CRLF3: variants seen among roughly 807,000 people sequenced by gnomAD.
CRLF3 encodes the protein cytokine receptor-like factor 3.
Under a neutral mutation model 55.0 loss-of-function variants are expected in CRLF3, and 33 were observed. The ratio of observed to expected loss-of-function variants is 0.60; its 90% CI spans 0.46 to 0.80. The LOEUF is 0.80. Among genes scored for constraint, CRLF3 ranks in the 30% least tolerant of loss-of-function variants. CRLF3 has a pLI of 0.00. For missense variants in CRLF3, 494 were observed against 538.4 expected (o/e 0.92, Z 0.82); for synonymous variants, 238 against 196.8 (o/e 1.21, Z -1.75).
At chr17:30,822,646 C>T (rs8078182) in intron 1 of CRLF3, among the ~76,000 whole-genome samples, 35,648 of 151,844 alleles carry the variant, frequency 0.23, 6,209 homozygotes, top group African/African-American at 0.49. Flanking sequence ...TGAAAAAATA[C>T]AGGTTTGAAA....
chr17:30,784,412 T>G lies in CRLF3; in HGVS notation c.1104A>C (p.Thr368=). 2 of 1,613,450 alleles carry G rather than the reference T, an allele frequency of 1.2e-6. No individual in the cohort carries two copies. The highest frequency in any genetic ancestry group is 1.7e-6 in the Non-Finnish European group (2 of 1,179,346). Residue 368 remains threonine (T), a synonymous_variant, in exon 8 of 8, where the codon ACA becomes ACC. Transcript: ENST00000324238. ...CAGAAGTAACTGCGGGTAACTGATTTGTCATTTCTTTTCCATTGACAAAAA... is the reference window on the plus strand; with the variant it reads ...CAGAAGTAACTGCGGGTAACTGATTGGTCATTTCTTTTCCATTGACAAAAA... ...GAVFVNGKEM[T]NQLPAVTSGS... is the part of the protein sequence containing the mutation.
chr17:30,801,260 C>T (rs1297143424), intron 2 of CRLF3: 1 of 151,880 alleles, frequency 6.6e-6, no homozygotes, highest in African/African-American at 2.4e-5. Flanking sequence ...TCTTTACCAG[C>T]CACCGCCTTT....
chr17:30,799,913 C>T (rs553834454), intron 2 of CRLF3, among the ~76,000 whole-genome samples: 4 of 152,116 alleles, frequency 2.6e-5, no homozygotes, highest in Non-Finnish European at 5.9e-5. Flanking sequence ...TGCAAAGCCA[C>T]CAAGGAAAGA....
At chr17:30,792,302 A>G in intron 6 of CRLF3, 138 bp downstream of exon 6, 2 of 689,996 alleles carry the variant, frequency 2.9e-6, no homozygotes, top group Non-Finnish European at 4.7e-6. Flanking sequence ...GCTACAGGAA[A>G]TAAAGAAGCC....
At chr17:30,788,113 A>G (rs936282110) in intron 6 of CRLF3, among the ~76,000 whole-genome samples, 154 of 152,026 alleles carry the variant, frequency 1.0e-3, no homozygotes, top group African/African-American at 3.5e-3. Context: ...CGGATCACAA[A>G]GTCAGGAGAT....
intron 3 of CRLF3, among the ~76,000 whole-genome samples, chr17:30,797,004 T>G (rs1971928332): frequency 6.6e-6 from 1 of 152,106 alleles, no homozygotes; most frequent in South Asian, 2.1e-4. Flanking sequence ...GTTCAAGCAA[T>G]TCTCCTGTCT....
Position 30,818,900 on chromosome 17 carries a change from C to A in CRLF3, c.129+5623G>T, listed in dbSNP as rs189279891. On this transcript the variant is annotated intron_variant, in intron 1 of 7. Coordinates refer to ENST00000324238, the MANE Select transcript of CRLF3 (RefSeq NM_015986.4). ...GTGCCATCTTGGCTCACTGCAACCTCCATCTCCCAGGTATAAGCAATTCTC... is the reference window on the plus strand; with the variant it reads ...GTGCCATCTTGGCTCACTGCAACCTACATCTCCCAGGTATAAGCAATTCTC... Among the ~76,000 whole-genome samples the A allele has an allele frequency of 3.4e-3, 518 of 151,820 alleles. 1 individual carries two copies. Among genetic ancestry groups the A allele is most frequent in the Non-Finnish European group, 5.2e-3 (352 of 67,966 alleles).
chr17:30,792,714 CAG>C (rs759962386), intron 5 of CRLF3, 142 bp from the exon 6 acceptor site: 23 of 660,394 alleles, frequency 3.5e-5, no homozygotes, highest in East Asian at 2.1e-4. Context: ...ATTCCATTAA[CAG>C]GGTATCATGA....
intron 4 of CRLF3, among the ~76,000 whole-genome samples, chr17:30,795,408 A>G (rs1227676224): frequency 1.3e-5 from 2 of 151,300 alleles, no homozygotes; most frequent in Non-Finnish European, 2.9e-5. Context: ...AGGCAGGAGG[A>G]TTGCTTGAAC....
At chr17:30,819,409 G>A (rs77453840) in intron 1 of CRLF3, among the ~76,000 whole-genome samples, 2,705 of 152,280 alleles carry the variant, frequency 0.018, 94 homozygotes, top group African/African-American at 0.061. Flanking sequence ...TGTCATCAAG[G>A]TGGTGCCACT....
rs375011007 is a variant in CRLF3, at chr17:30,793,558, C to A, written c.718G>T (p.Asp240Tyr). The A allele has an allele frequency of 5.0e-6, 8 of 1,613,952 alleles. No homozygotes were observed. The African/African-American group carries it at 5.3e-5, about 11-fold the overall frequency. The change falls in exon 5 of 8, where the codon GAC becomes TAC. Residue 240 changes from aspartate to tyrosine, a missense_variant. Asp to Tyr is a radical substitution (Grantham distance 160, BLOSUM62 -3). Transcript: ENST00000324238. ...CTGAACTGGTAATCAACGTTGGGGT[C>A]TATGTGCAATACTATGAATTCAGTT... ...SETEFIVLHI[D>Y]PNVDYQFRVC...
chr17:30,807,601 C>T (rs1362426143), intron 1 of CRLF3, among the ~76,000 whole-genome samples: 4 of 133,548 alleles, frequency 3.0e-5, no homozygotes, highest in African/African-American at 2.8e-5. Flanking sequence ...GGCGCAATCT[C>T]GGCTCACTGC....
chr17:30,785,963 T>C lies in CRLF3; in HGVS notation c.1028A>G (p.Tyr343Cys), dbSNP rs988463269. The C allele has an allele frequency of 2.5e-6, 4 of 1,612,918 alleles. No homozygotes were observed. Among genetic ancestry groups the C allele is most frequent in the Non-Finnish European group, 3.4e-6 (4 of 1,178,962 alleles). The part of the protein sequence containing the change: ...IGVCAEKQDG[Y>C]DSLQRDQAVC... ...AGCTTGATCCCGCTGCAGAGAGTCA[T>C]ATCCATCCTGTTTTTCTGCACACAC... The change falls in exon 7 of 8, where the codon TAT becomes TGT. Residue 343 changes from tyrosine to cysteine, a missense_variant. Physicochemically the swap from Tyr to Cys is radical, Grantham distance 194 (BLOSUM62 -2). Transcript: ENST00000324238.
chr17:30,809,652 C>A (rs1904546929), intron 1 of CRLF3: 1 of 152,066 alleles, frequency 6.6e-6, no homozygotes, highest in Non-Finnish European at 1.5e-5. Flanking sequence ...TTTGTACTTA[C>A]AGGACACTTT....
chr17:30,790,633 T>TTTTTTTC (rs1491456812), intron 6 of CRLF3: 2 of 89,074 alleles, frequency 2.2e-5, no homozygotes, highest in African/African-American at 8.6e-5. Flanking sequence ...TTTTTTTTTT[T>TTTTTTTC]CCAGACGGAA....
intron 6 of CRLF3, among the ~76,000 whole-genome samples, chr17:30,791,331 G>T (rs557377112): frequency 6.6e-6 from 1 of 151,044 alleles, no homozygotes; most frequent in East Asian, 2.0e-4. Context: ...TCAGCCTCCC[G>T]AAGTGCTGGG....
At chr17:30,797,517 C>G in intron 2 of CRLF3, 119 bp from the exon 3 acceptor site, 1 of 741,618 alleles carries the variant, frequency 1.3e-6, no homozygotes, top group Non-Finnish European at 2.3e-6. Context: ...AGTGATGCCA[C>G]AGTCAAATTC....
chr17:30,784,156 C>T lies in CRLF3; in HGVS notation c.*31G>A, dbSNP rs1462341521. 1.1e-5 allele frequency: 18 copies of T among 1,599,806 alleles called. No individual in the cohort carries two copies. The highest frequency in any genetic ancestry group is 1.5e-5 in the Non-Finnish European group (18 of 1,172,938). On this transcript the variant is annotated 3_prime_UTR_variant, in exon 8 of 8. Coordinates refer to ENST00000324238, the MANE Select transcript of CRLF3 (RefSeq NM_015986.4). ...CTGGGCTGAGGACAGCTACGTTAGACCCTGAAAACCAAAGCCAAGCACCCA... is the reference window on the plus strand; with the variant it reads ...CTGGGCTGAGGACAGCTACGTTAGATCCTGAAAACCAAAGCCAAGCACCCA...
chr17:30,799,747 C>T (rs1256975012), intron 2 of CRLF3, among the ~76,000 whole-genome samples: 1 of 152,038 alleles, frequency 6.6e-6, no homozygotes, highest in African/African-American at 2.4e-5. Flanking sequence ...TCAGATGATC[C>T]GCCCCCCTCG....
Sources: allele counts gnomAD v4.1 joint callset (sites outside exome capture counted in the v4.1 genomes callset), GRCh38; gene constraint gnomAD v4.1.1; transcripts MANE v1.5; gene names NCBI Gene and HGNC (gene_info 2026-07-23, HGNC 2026-07-21).